Variants in HMCN1 observed in about 807,000 individuals in gnomAD.
HMCN1 encodes hemicentin 1, also known as hemicentin-1.
HMCN1 carries 321 observed loss-of-function variants against 625.9 expected under a neutral mutation model. That is an observed-to-expected ratio of 0.51 (90% CI 0.47 to 0.56). The LOEUF (loss-of-function observed/expected upper bound fraction) is 0.56. Among genes scored for constraint, HMCN1 ranks in the 20% least tolerant of loss-of-function variants. The pLI, the probability that HMCN1 is intolerant of heterozygous loss-of-function variation, is 0.00. For synonymous variants in HMCN1, 2,425 were observed against 2,417.6 expected, an observed-to-expected ratio of 1.00 and a Z score of -0.09; for missense variants, 6,588 against 6,887.3, an observed-to-expected ratio of 0.96 and a Z score of 1.54.
chr1:185,990,336 C>T lies in HMCN1; in HGVS notation c.3270C>T (p.Ser1090=), dbSNP rs761064415. The change falls in exon 22 of 107, where the codon TCC becomes TCT. Residue 1090 remains serine (S), a synonymous_variant. Coordinates refer to ENST00000271588, the MANE Select transcript of HMCN1 (RefSeq NM_031935.3). ...GLSQDKPVEI[S]VLAGEEVTLP... ...CCCAGGATAAGCCTGTTGAGATCTC[C>T]GTCCTTGCAGGGGAAGAGGTAACAC... 1.7e-5 allele frequency: 28 copies of T among 1,613,686 alleles called. No homozygotes were observed. The highest frequency in any genetic ancestry group is 3.3e-4 in the Middle Eastern group (2 of 6,080).
chr1:185,989,744 C>A, intron 21 of HMCN1, 97 bp downstream of exon 21: 1 of 1,092,984 alleles, frequency 9.1e-7, no homozygotes, highest in Non-Finnish European at 1.4e-6. Context: ...GCATGTACCC[C>A]TAAAGTGAAC....
intron 1 of HMCN1, among the ~76,000 whole-genome samples, chr1:185,804,862 C>T (rs1013932261): frequency 3.9e-5 from 6 of 151,924 alleles, no homozygotes; most frequent in Non-Finnish European, 7.4e-5. Flanking sequence ...AATGTTATGA[C>T]GAGACTACAG....
In HMCN1 at chr1:186,097,501, C is replaced by CAA. The variant is rs34449166; in HGVS notation, c.10573+1991_10573+1992dup. Among the ~76,000 whole-genome samples the CAA allele has an allele frequency of 8.4e-4, 120 of 143,236 alleles. 1 individual carries two copies. Among genetic ancestry groups the CAA allele is most frequent in the East Asian group, 2.1e-3 (10 of 4,810 alleles). The allele number at this position is 143,236 out of a possible 152,430, so 94.0% of individuals were successfully genotyped here. A position where few individuals can be genotyped will look rare whatever the true frequency, so the allele number is the denominator to read the frequency against. On this transcript the variant is annotated intron_variant, in intron 68 of 106. Coordinates refer to ENST00000271588, the MANE Select transcript of HMCN1 (RefSeq NM_031935.3). The stretch of plus-strand genomic sequence containing the variant: ...GCAGAGACTGAGGTACAATAGCTAT[C>CAA]AAAAAAAAAAAAGATATGTAAGAAT...
intron 89 of HMCN1, among the ~76,000 whole-genome samples, chr1:186,143,119 T>A (rs1650075866): frequency 6.6e-6 from 1 of 152,212 alleles, no homozygotes; most frequent in Non-Finnish European, 1.5e-5. Flanking sequence ...GTGACTATGT[T>A]TTTGTCTACA....
intron 24 of HMCN1, 149 bp from the exon 25 acceptor site, chr1:185,997,280 G>A: frequency 1.5e-6 from 1 of 683,148 alleles, no homozygotes; most frequent in Non-Finnish European, 2.6e-6. Context: ...CGTCTAGGTA[G>A]AAATGTTTGG....
chr1:185,764,239 G>A (rs1655714041), intron 1 of HMCN1, among the ~76,000 whole-genome samples: 1 of 152,078 alleles, frequency 6.6e-6, no homozygotes, highest in East Asian at 1.9e-4. Flanking sequence ...GAGGGTGAAG[G>A]AGAAAAAAGA....
At chr1:185,985,004 G>A (rs975351663) in intron 19 of HMCN1, among the ~76,000 whole-genome samples, 1 of 152,142 alleles carries the variant, frequency 6.6e-6, no homozygotes, top group African/African-American at 2.4e-5. Context: ...ATATCTGAGG[G>A]AAGAAAGTAC....
intron 93 of HMCN1, among the ~76,000 whole-genome samples, chr1:186,148,970 T>G (rs891491792): frequency 2.0e-5 from 3 of 151,138 alleles, no homozygotes; most frequent in Non-Finnish European, 4.4e-5. Context: ...GAGCGTTAGG[T>G]CTCAAAAATA....
In HMCN1 at chr1:186,136,840, T is replaced by C; in HGVS notation, c.13485T>C (p.Tyr4495=). ...ACGTGTTGTCCAACAACTCATTATATATTGCTGATGCTCAGAAAGAAGATA... is the reference window on the plus strand; with the variant it reads ...ACGTGTTGTCCAACAACTCATTATACATTGCTGATGCTCAGAAAGAAGATA... ...RVNVLSNNSL[Y]IADAQKEDTS... is the part of the protein sequence containing the mutation. Residue 4495 remains tyrosine, a synonymous_variant, in exon 87 of 107, where the codon TAT becomes TAC. Coordinates refer to ENST00000271588, the MANE Select transcript of HMCN1 (RefSeq NM_031935.3). 1 of 1,614,092 alleles carries C rather than the reference T, an allele frequency of 6.2e-7. No homozygotes were observed. Among genetic ancestry groups the C allele is most frequent in the Non-Finnish European group, 8.5e-7 (1 of 1,179,966 alleles).
At chr1:185,863,161 A>G (rs1662976939) in intron 2 of HMCN1, among the ~76,000 whole-genome samples, 2 of 152,178 alleles carry the variant, frequency 1.3e-5, no homozygotes, top group Admixed American at 6.6e-5. Flanking sequence ...TTTCATGAAT[A>G]ACTATTTTCT....
At chr1:185,968,687 T>C (rs1213769381) in intron 14 of HMCN1, among the ~76,000 whole-genome samples, 1 of 151,960 alleles carries the variant, frequency 6.6e-6, no homozygotes, top group East Asian at 1.9e-4. Flanking sequence ...ATTTAAACTG[T>C]AGAAAAAAGA....
chr1:186,008,788 A>G (rs1653802093), intron 30 of HMCN1, among the ~76,000 whole-genome samples: 1 of 152,164 alleles, frequency 6.6e-6, no homozygotes, highest in African/African-American at 2.4e-5. Context: ...TTCATTTATC[A>G]TTATCTAATT....
chr1:185,881,356 C>T (rs1160267887), intron 4 of HMCN1, among the ~76,000 whole-genome samples: 3 of 152,176 alleles, frequency 2.0e-5, no homozygotes, highest in Non-Finnish European at 4.4e-5. Flanking sequence ...CCCTGAAGTC[C>T]AGCCATCTCT....
chr1:185,956,301 G>A (rs952484341), intron 11 of HMCN1, among the ~76,000 whole-genome samples: 19 of 151,894 alleles, frequency 1.3e-4, no homozygotes, highest in Admixed American at 3.3e-4. Flanking sequence ...TGAAGGCTCC[G>A]TCCTGCAAGA....
At chr1:186,061,824 T>A in intron 46 of HMCN1, 27 bp from the exon 47 acceptor site, 5 of 1,479,952 alleles carry the variant, frequency 3.4e-6, no homozygotes, top group Non-Finnish European at 4.7e-6. Context: ...TTTTAAGTTA[T>A]CTTAAAAAGA....
chr1:185,832,549 G>A (rs758203419), intron 1 of HMCN1, among the ~76,000 whole-genome samples: 16 of 152,152 alleles, frequency 1.1e-4, no homozygotes, highest in Non-Finnish European at 1.3e-4. Flanking sequence ...CATAAATAAC[G>A]AGAAGCCAAC....
chr1:185,859,196 T>G (rs1220135202), intron 2 of HMCN1, among the ~76,000 whole-genome samples: 1 of 151,610 alleles, frequency 6.6e-6, no homozygotes, highest in Non-Finnish European at 1.5e-5. Flanking sequence ...ATTTTTGGAG[T>G]AAGTTGTACC....
intron 5 of HMCN1, among the ~76,000 whole-genome samples, chr1:185,910,572 CT>C (rs530690323): frequency 0.077 from 10,721 of 140,120 alleles, 970 homozygotes; most frequent in African/African-American, 0.24. Context: ...TTTCTTCCTT[CT>C]TTTTTTTTTT....
chr1:186,182,099 G>C (rs4483367), intron 104 of HMCN1, 69 bp from the exon 105 acceptor site: 1 of 1,571,650 alleles, frequency 6.4e-7, no homozygotes, highest in Non-Finnish European at 8.7e-7. Flanking sequence ...AACTTGATGA[G>C]AGTTGGCTCT....
Sources: gnomAD v4.1 joint callset for allele counts (sites outside exome capture counted in the v4.1 genomes callset) on GRCh38, gnomAD v4.1.1 for gene constraint, MANE v1.5 for transcripts, NCBI Gene and HGNC (gene_info 2026-07-23, HGNC 2026-07-21) for gene names.